Variants in LGI2 observed in about 807,000 individuals in gnomAD.
LGI2 encodes the protein leucine rich repeat LGI family member 2, also known as leucine-rich repeat LGI family member 2.
A neutral mutation model predicts 52.0 loss-of-function variants in LGI2; 30 were observed. The ratio of observed to expected loss-of-function variants is 0.58; its 90% CI spans 0.43 to 0.78. LGI2 has a LOEUF of 0.78. LGI2 is among the 30% of genes least tolerant of loss of function. The pLI is 0.00. For missense variants in LGI2, 573 were observed against 692.5 expected (o/e 0.83, Z 1.94); for synonymous variants, 270 against 271.8 (o/e 0.99, Z 0.06).
At chr4:25,029,405 G>A (rs907604029) in intron 1 of LGI2, among the ~76,000 whole-genome samples, 2 of 152,172 alleles carry the variant, frequency 1.3e-5, no homozygotes, top group African/African-American at 4.8e-5. Context: ...CCTGGGTCCA[G>A]GCCCCTACAA....
chr4:25,013,464 A>G (rs754537283), intron 6 of LGI2, among the ~76,000 whole-genome samples: 8 of 152,234 alleles, frequency 5.3e-5, no homozygotes, highest in Non-Finnish European at 7.3e-5. Context: ...CCCCAAGTCC[A>G]GAGCAGAACA....
At chr4:25,028,610 AG>A in intron 1 of LGI2, 32 bp from the exon 2 acceptor site, 1 of 1,593,006 alleles carries the variant, frequency 6.3e-7, no homozygotes, top group South Asian at 1.1e-5. Flanking sequence ...AAGTAGGCCT[AG>A]GTTTCTTTTA....
chr4:25,008,913 G>A (rs1457473354), intron 7 of LGI2, among the ~76,000 whole-genome samples: 7 of 152,170 alleles, frequency 4.6e-5, no homozygotes, highest in Non-Finnish European at 1.0e-4. Flanking sequence ...CACCCACTCG[G>A]ATCGCACTGA....
chr4:25,007,414 C>G (rs140945180), intron 7 of LGI2, among the ~76,000 whole-genome samples: 1 of 152,142 alleles, frequency 6.6e-6, no homozygotes, highest in Non-Finnish European at 1.5e-5. Flanking sequence ...GGCTCCTCGT[C>G]CCCTTCTTGA....
rs976270750 is a variant in LGI2, at chr4:25,004,824, C to T, written c.821-556G>A. Reference sequence around the variant, plus strand: ...CTCAGTCTACGGTATTCTGTTGCAGCAGCCCAAACAGACTAAGACACCTAT... The same window carrying T: ...CTCAGTCTACGGTATTCTGTTGCAGTAGCCCAAACAGACTAAGACACCTAT... On this transcript the variant is annotated intron_variant, in intron 7 of 7. Coordinates refer to ENST00000382114, the MANE Select transcript of LGI2 (RefSeq NM_018176.4). This position sits in a 1 kb window ranked among gnomAD's most constrained non-coding sequence, Gnocchi z 4.6. 6.6e-6 allele frequency among the ~76,000 whole-genome samples: 1 copy of T among 152,184 alleles called. No homozygotes were observed. The highest frequency in any genetic ancestry group is 2.4e-5 in the African/African-American group (1 of 41,444).
chr4:25,017,483 A>G (rs1725808486), intron 6 of LGI2, among the ~76,000 whole-genome samples: 1 of 141,632 alleles, frequency 7.1e-6, no homozygotes, highest in Non-Finnish European at 1.5e-5. Context: ...TGGAGATTGC[A>G]GTGAGTTGAG....
downstream of LGI2, among the ~76,000 whole-genome samples, chr4:24,996,202 T>C (rs373964507): frequency 8.5e-5 from 13 of 152,224 alleles, no homozygotes; most frequent in Middle Eastern, 3.2e-3. Flanking sequence ...TGGGTCATAT[T>C]ATTTATTCAG....
At chr4:25,013,642 T>C (rs1367101576) in intron 6 of LGI2, among the ~76,000 whole-genome samples, 2 of 152,140 alleles carry the variant, frequency 1.3e-5, no homozygotes, top group Non-Finnish European at 2.9e-5. Context: ...ACCTGTAAAA[T>C]GAAGGTGGTG....
chr4:25,006,744 G>GCAT (rs1725402677), intron 7 of LGI2, among the ~76,000 whole-genome samples: 1 of 152,070 alleles, frequency 6.6e-6, no homozygotes, highest in Non-Finnish European at 1.5e-5. Flanking sequence ...ACTATTCTTA[G>GCAT]CATCATCATC....
At chr4:24,993,048 C>T in the LGI2 span, among the ~76,000 whole-genome samples, 1 of 152,202 alleles carries the variant, frequency 6.6e-6, no homozygotes, top group Non-Finnish European at 1.5e-5. Flanking sequence ...AGTTCCTTAA[C>T]TTCTCTGTGC....
downstream of LGI2, among the ~76,000 whole-genome samples, chr4:24,998,629 G>A (rs1206607375): frequency 1.3e-5 from 2 of 152,172 alleles, no homozygotes; most frequent in Non-Finnish European, 2.9e-5. Context: ...CAGGCAGAGT[G>A]TAACCATGAA....
chr4:25,022,597 G>T (rs965658423), intron 4 of LGI2, among the ~76,000 whole-genome samples: 1 of 152,144 alleles, frequency 6.6e-6, no homozygotes, highest in African/African-American at 2.4e-5. Context: ...AGAAAAGGAG[G>T]TGCCTCTTGT....
At position 25,004,195 on chromosome 4, in the gene LGI2, A is replaced by G; in HGVS notation, c.894T>C (p.Gly298=). The stretch of plus-strand genomic sequence containing the variant: ...CGTCGTATTTGTAAATGTGAGAGCC[A>G]CCGAAGAGCTGGGCTACCACCACAA... ...QVFVVVAQLF[G]GSHIYKYDES... Residue 298 remains glycine (G), a synonymous_variant, in exon 8 of 8, where the codon GGT becomes GGC. Transcript: ENST00000382114. The surrounding 1 kb of genome is among the most constrained non-coding windows in gnomAD (Gnocchi z 4.6). The G allele has an allele frequency of 6.2e-7, 1 of 1,614,198 alleles. No homozygotes were observed. Among genetic ancestry groups the G allele is most frequent in the South Asian group, 1.1e-5 (1 of 91,076 alleles).
At chr4:25,008,695 C>T (rs537121011) in intron 7 of LGI2, among the ~76,000 whole-genome samples, 8 of 152,262 alleles carry the variant, frequency 5.3e-5, no homozygotes, top group Admixed American at 2.6e-4. Flanking sequence ...ATCACTTGGC[C>T]GTGGCCACCA....
rs1039774739 is a variant in LGI2, at chr4:25,019,157, C to T, written c.485+10G>A. ...TGACAAACACACATAAACTAAATTT[C>T]ATTACTTACAGTTCAATCAGAGAGT... On this transcript the variant is annotated intron_variant, in intron 5 of 7. Coordinates refer to ENST00000382114, the MANE Select transcript of LGI2 (RefSeq NM_018176.4). The T allele has an allele frequency of 2.6e-6, 4 of 1,552,746 alleles. No individual in the cohort carries two copies. The highest frequency in any genetic ancestry group is 3.6e-6 in the Non-Finnish European group (4 of 1,126,648).
In LGI2 at chr4:25,003,904, G is replaced by A. The variant is rs770571073; in HGVS notation, c.1185C>T (p.Val395=). The A allele has an allele frequency of 3.1e-6, 5 of 1,614,190 alleles. No individual in the cohort carries two copies. The South Asian group carries it at 4.4e-5, about 14-fold the overall frequency. ...SHLILSSRSQ[V]PIILQWNKSS... is the part of the protein sequence containing the mutation. ...TTTTATTCCACTGGAGGATGATGGG[G>A]ACCTGGGAGCGGCTGGACAGGATGA... is the stretch of plus-strand genomic sequence containing the variant. Residue 395 remains valine (V), a synonymous_variant, in exon 8 of 8, where the codon GTC becomes GTT. Transcript: ENST00000382114.
At chr4:25,015,927 G>A (rs1262641844) in intron 6 of LGI2, among the ~76,000 whole-genome samples, 2 of 151,860 alleles carry the variant, frequency 1.3e-5, no homozygotes, top group East Asian at 3.9e-4. Flanking sequence ...AGTCTTAAAG[G>A]GATAAAACCA....
At chr4:25,018,790 A>T (rs771986439) in intron 5 of LGI2, among the ~76,000 whole-genome samples, 12 of 152,218 alleles carry the variant, frequency 7.9e-5, no homozygotes, top group Non-Finnish European at 1.2e-4. Flanking sequence ...TGAACCCAGG[A>T]CGCAGAGGTT....
chr4:24,996,661 T>C (rs1376241035), downstream of LGI2, among the ~76,000 whole-genome samples: 1 of 151,772 alleles, frequency 6.6e-6, no homozygotes. Context: ...AACAGGGAGG[T>C]GGCAGAACTG....
Sources: gnomAD v4.1 joint callset for allele counts (sites outside exome capture counted in the v4.1 genomes callset) on GRCh38, gnomAD v4.1.1 for gene constraint, Gnocchi (gnomAD v3.1) non-coding constraint, MANE v1.5 for transcripts, NCBI Gene and HGNC (gene_info 2026-07-23, HGNC 2026-07-21) for gene names.